The following NAPB variants were observed in gnomAD, a reference collection of about 807,000 sequenced individuals.
NAPB encodes the protein beta-soluble NSF attachment protein.
Under a neutral mutation model 44.7 loss-of-function variants are expected in NAPB, and 26 were observed. The ratio of observed to expected loss-of-function variants is 0.58; its 90% CI spans 0.43 to 0.81. NAPB has a LOEUF of 0.81. Ranked by LOEUF, NAPB falls within the 30% of genes least tolerant of loss-of-function variation. The pLI is 0.00. For synonymous variants in NAPB, 120 were observed against 116.8 expected, an observed-to-expected ratio of 1.03 and a Z score of -0.18; for missense variants, 315 against 356.4, an observed-to-expected ratio of 0.88 and a Z score of 0.94.
chr20:23,417,016 T>G (rs1986046789), intron 1 of NAPB, among the ~76,000 whole-genome samples: 3 of 152,044 alleles, frequency 2.0e-5, no homozygotes, highest in Admixed American at 6.6e-5. Context: ...TTGTGTAAAC[T>G]CAGACTAAAC....
At chr20:23,387,005 A>G (rs945554983) in intron 7 of NAPB, among the ~76,000 whole-genome samples, 4 of 152,232 alleles carry the variant, frequency 2.6e-5, no homozygotes, top group Non-Finnish European at 5.9e-5. Flanking sequence ...GTAATCTACA[A>G]TATTAAGCTG....
chr20:23,381,150 A>C, intron 8 of NAPB, 63 bp downstream of exon 8: 2 of 1,092,434 alleles, frequency 1.8e-6, no homozygotes, highest in South Asian at 2.5e-5. Flanking sequence ...ACCAAGAACA[A>C]GAGAGAATGT....
At position 23,387,474 on chromosome 20, in the gene NAPB, T is replaced by G. The variant is rs1983613890; in HGVS notation, c.561+2472A>C. Among the ~76,000 whole-genome samples the G allele has an allele frequency of 3.3e-5, 5 of 152,130 alleles. No individual in the cohort carries two copies. The South Asian group carries it at 1.0e-3, about 32-fold the overall frequency. ...TTGTTATTTGCAGATAACATGATTT[T>G]GGATATAGAAAACCTAAGAAATCCA... On this transcript the variant is annotated intron_variant, in intron 7 of 10. Transcript: ENST00000377026.
At chr20:23,393,145 A>G (rs1016759747) in intron 5 of NAPB, among the ~76,000 whole-genome samples, 1 of 152,090 alleles carries the variant, frequency 6.6e-6, no homozygotes, top group Non-Finnish European at 1.5e-5. Flanking sequence ...TCCATCATCA[A>G]TTCCACACCA....
chr20:23,399,408 G>A (rs1984654857), intron 2 of NAPB, among the ~76,000 whole-genome samples: 1 of 152,122 alleles, frequency 6.6e-6, no homozygotes, highest in African/African-American at 2.4e-5. Flanking sequence ...ACCACGTGAG[G>A]ACATAGCAAG....
chr20:23,399,211 A>G (rs777911368), intron 2 of NAPB, among the ~76,000 whole-genome samples: 1 of 152,146 alleles, frequency 6.6e-6, no homozygotes, highest in Non-Finnish European at 1.5e-5. Context: ...CCAGCATGAC[A>G]TGGGTAGTGC....
chr20:23,420,087 A>G (rs938950602), intron 1 of NAPB, among the ~76,000 whole-genome samples: 1 of 152,182 alleles, frequency 6.6e-6, no homozygotes, highest in Non-Finnish European at 1.5e-5. Flanking sequence ...TTTCACTTTC[A>G]AAAGAAAACA....
chr20:23,388,928 TGAATCAAAGGACATTAATAACAGA>T (rs1983732214), intron 7 of NAPB, among the ~76,000 whole-genome samples: 1 of 151,820 alleles, frequency 6.6e-6, no homozygotes, highest in African/African-American at 2.4e-5. Context: ...AAGACTTCAG[TGAATCAAAGGACATTAATAACAGA>T]GTCCAGAGAC....
intron 7 of NAPB, among the ~76,000 whole-genome samples, chr20:23,389,231 TAAAAA>T (rs71330886): frequency 2.6e-5 from 3 of 115,392 alleles, no homozygotes; most frequent in South Asian, 2.8e-4. Context: ...GACTATTATT[TAAAAA>T]AAAAAAAAAA....
chr20:23,400,574 T>G (rs1318382703), intron 2 of NAPB, among the ~76,000 whole-genome samples: 3 of 151,986 alleles, frequency 2.0e-5, no homozygotes, highest in African/African-American at 7.2e-5. Flanking sequence ...AATTAAATGG[T>G]CTCTGGGAAG....
intron 3 of NAPB, 193 bp downstream of exon 3, chr20:23,396,879 C>A (rs1984406282): frequency 5.1e-6 from 2 of 388,982 alleles, no homozygotes; most frequent in East Asian, 8.0e-5. Flanking sequence ...AACATAATTT[C>A]TCCTCATAAA....
intron 1 of NAPB, among the ~76,000 whole-genome samples, chr20:23,404,657 C>T (rs114830775): frequency 9.8e-4 from 150 of 152,298 alleles, no homozygotes; most frequent in African/African-American, 3.4e-3. Context: ...CAGAGCTTCA[C>T]CCAGAGCAGG....
chr20:23,379,681 G>A lies in NAPB; in HGVS notation c.735+186C>T, dbSNP rs116561057. 1,679 of 665,282 alleles carry A rather than the reference G, an allele frequency of 2.5e-3. 22 individuals carry two copies. The African/African-American group carries it at 0.027, about 11-fold the overall frequency. 41.2% of individuals were successfully genotyped at this position (665,282 alleles called of 1,614,324 possible). A position where few individuals can be genotyped will look rare whatever the true frequency, so the allele number is the denominator to read the frequency against. On this transcript the variant is annotated intron_variant, in intron 9 of 10. Coordinates refer to ENST00000377026, the MANE Select transcript of NAPB (RefSeq NM_022080.3). ...TAACATTTCTCAGGTGCCTATTTCA[G>A]AACACAACTACATGTTTCTGACCTT... is the stretch of plus-strand genomic sequence containing the variant.
chr20:23,379,550 T>C, intron 9 of NAPB, 55 bp from the exon 10 acceptor site: 1 of 1,316,592 alleles, frequency 7.6e-7, no homozygotes, highest in Non-Finnish European at 1.1e-6. Flanking sequence ...GTCCCATTTC[T>C]AAATATATAC....
chr20:23,382,022 G>A (rs1290543982), intron 7 of NAPB, among the ~76,000 whole-genome samples: 2 of 152,168 alleles, frequency 1.3e-5, no homozygotes, highest in East Asian at 1.9e-4. Flanking sequence ...CACTAAGGCA[G>A]TGCAGACCAC....
chr20:23,413,021 G>A (rs1031743839), intron 1 of NAPB, among the ~76,000 whole-genome samples: 1 of 151,948 alleles, frequency 6.6e-6, no homozygotes, highest in African/African-American at 2.4e-5. Context: ...GGTGCTGGGT[G>A]CAGGTGGCTC....
At chr20:23,392,691 T>TC (rs1473942823) in intron 5 of NAPB, among the ~76,000 whole-genome samples, 1 of 151,590 alleles carries the variant, frequency 6.6e-6, no homozygotes, top group Non-Finnish European at 1.5e-5. Flanking sequence ...TAGTTTTTTT[T>TC]TTTATATTTT....
intron 10 of NAPB, among the ~76,000 whole-genome samples, chr20:23,378,046 C>A (rs181048986): frequency 1.4e-4 from 21 of 151,976 alleles, no homozygotes; most frequent in Admixed American, 1.2e-3. Flanking sequence ...TGTAGTGGCT[C>A]ATGCCTGTAA....
At chr20:23,379,991 A>G in intron 8 of NAPB, 56 bp from the exon 9 acceptor site, 1 of 1,428,750 alleles carries the variant, frequency 7.0e-7, no homozygotes, top group South Asian at 1.2e-5. Context: ...CAAAGCTTTC[A>G]ACATTCTATC....
Sources: allele counts gnomAD v4.1 joint callset (sites outside exome capture counted in the v4.1 genomes callset), GRCh38; gene constraint gnomAD v4.1.1; transcripts MANE v1.5; gene names NCBI Gene and HGNC (gene_info 2026-07-23, HGNC 2026-07-21).